DPP6: variants seen among roughly 807,000 people sequenced by gnomAD.
DPP6 encodes A-type potassium channel modulatory protein DPP6.
A neutral mutation model predicts 122.6 loss-of-function variants in DPP6; 69 were observed. The ratio of observed to expected loss-of-function variants is 0.56; its 90% CI spans 0.46 to 0.69. The LOEUF (loss-of-function observed/expected upper bound fraction) is 0.69, where lower values mean the gene tolerates loss of function less well. Among genes scored for constraint, DPP6 ranks in the 30% least tolerant of loss-of-function variants. DPP6 has a pLI of 0.00. For synonymous variants in DPP6, 418 were observed against 433.1 expected, an observed-to-expected ratio of 0.97 and a Z score of 0.43; for missense variants, 928 against 1,116.9, an observed-to-expected ratio of 0.83 and a Z score of 2.41.
intron 1 of DPP6, among the ~76,000 whole-genome samples, chr7:154,272,084 C>A (rs1803833317): frequency 6.6e-6 from 1 of 152,168 alleles, no homozygotes; most frequent in African/African-American, 2.4e-5. Flanking sequence ...CCTGGATAGA[C>A]AATTAGCTTC....
chr7:154,221,194 G>A (rs1800285472), intron 1 of DPP6, among the ~76,000 whole-genome samples: 1 of 152,108 alleles, frequency 6.6e-6, no homozygotes, highest in Admixed American at 6.6e-5. Context: ...AGGCTGGAGT[G>A]CAGTGGTACG....
chr7:154,330,925 C>A (rs1299417279), intron 1 of DPP6, among the ~76,000 whole-genome samples: 1 of 152,214 alleles, frequency 6.6e-6, no homozygotes, highest in Non-Finnish European at 1.5e-5. Flanking sequence ...TTACAAGCTT[C>A]TGTTGCATTC....
intron 1 of DPP6, among the ~76,000 whole-genome samples, chr7:154,419,225 G>A (rs892784473): frequency 2.0e-5 from 3 of 152,178 alleles, no homozygotes; most frequent in African/African-American, 7.2e-5. Flanking sequence ...GTTTCAACAC[G>A]CTGGAAGGTT....
At chr7:154,012,318 C>G (rs1354639737) in intron 1 of DPP6, among the ~76,000 whole-genome samples, 2 of 152,124 alleles carry the variant, frequency 1.3e-5, no homozygotes, top group African/African-American at 2.4e-5. Context: ...AGCCCTACAT[C>G]TAATATATAA....
At chr7:153,816,875 T>C in the DPP6 span, among the ~76,000 whole-genome samples, 1 of 151,938 alleles carries the variant, frequency 6.6e-6, no homozygotes, top group African/African-American at 2.4e-5. Context: ...CAAGCCTCTC[T>C]CCCCGTCTCC....
At chr7:154,542,119 A>T (rs1212456663) in intron 4 of DPP6, among the ~76,000 whole-genome samples, 1 of 152,206 alleles carries the variant, frequency 6.6e-6, no homozygotes, top group African/African-American at 2.4e-5. Flanking sequence ...CCCCTAACAT[A>T]GACTGCAGGC....
chr7:154,888,627 G>T (rs1206320881), intron 23 of DPP6, among the ~76,000 whole-genome samples: 1 of 152,218 alleles, frequency 6.6e-6, no homozygotes, highest in Non-Finnish European at 1.5e-5. Flanking sequence ...GCCCTCTAAG[G>T]CTACCTGGAG....
chr7:154,137,658 TGGG>T, intron 1 of DPP6, among the ~76,000 whole-genome samples: 1 of 48,384 alleles, frequency 2.1e-5, no homozygotes, highest in Non-Finnish European at 4.2e-5. Context: ...GGTGGGGGGG[TGGG>T]GGGGGTGGGG....
At chr7:154,677,309 G>A (rs549945128) in intron 7 of DPP6, among the ~76,000 whole-genome samples, 6 of 152,206 alleles carry the variant, frequency 3.9e-5, no homozygotes, top group Non-Finnish European at 5.9e-5. Context: ...GTGATCCAGC[G>A]GGCACTGCTT....
At chr7:154,439,848 G>C (rs1443170659) in intron 1 of DPP6, among the ~76,000 whole-genome samples, 5 of 152,190 alleles carry the variant, frequency 3.3e-5, no homozygotes, top group African/African-American at 1.2e-4. Context: ...TGTAAAATAG[G>C]CAACTTCAGA....
rs552839082 is a variant in DPP6, at chr7:154,486,886, C to G, written c.457+11849C>G. Among the ~76,000 whole-genome samples the G allele has an allele frequency of 7.0e-4, 107 of 152,144 alleles. No individual in the cohort carries two copies. Among genetic ancestry groups the G allele is most frequent in the Non-Finnish European group, 1.3e-3 (89 of 68,030 alleles). ...TTCCTAACTGATGGATGATGCTGGG[C>G]CCCGCTGTTGATGCTGCTTAATTCA... On this transcript the variant is annotated intron_variant, in intron 3 of 25. Coordinates refer to ENST00000377770, the MANE Select transcript of DPP6 (RefSeq NM_130797.4). This position sits in a 1 kb window ranked among gnomAD's most constrained non-coding sequence, Gnocchi z 4.5.
chr7:154,859,909 C>T (rs539989400), intron 17 of DPP6, among the ~76,000 whole-genome samples: 2 of 152,306 alleles, frequency 1.3e-5, no homozygotes, highest in African/African-American at 2.4e-5. Flanking sequence ...GCAGAGAAAG[C>T]GTGCGTGTGG....
At chr7:153,853,342 C>A in the DPP6 span, among the ~76,000 whole-genome samples, 1 of 152,200 alleles carries the variant, frequency 6.6e-6, no homozygotes, top group East Asian at 1.9e-4. Flanking sequence ...AAGAATTCTC[C>A]CTTGGATTTT....
At chr7:154,140,187 C>T (rs1417246667) in intron 1 of DPP6, among the ~76,000 whole-genome samples, 1 of 152,182 alleles carries the variant, frequency 6.6e-6, no homozygotes, top group African/African-American at 2.4e-5. Flanking sequence ...TACATGTATG[C>T]CTAACCTACT....
chr7:154,598,526 A>T (rs932479802), intron 5 of DPP6, among the ~76,000 whole-genome samples: 9 of 152,202 alleles, frequency 5.9e-5, no homozygotes, highest in Admixed American at 3.3e-4. Context: ...CAAGAACAAA[A>T]CACTGGTGCA....
intron 1 of DPP6, among the ~76,000 whole-genome samples, chr7:154,007,355 T>C (rs1429915284): frequency 6.6e-6 from 1 of 152,210 alleles, no homozygotes; most frequent in Non-Finnish European, 1.5e-5. Context: ...AAGTTTGTTG[T>C]TCTTGAAAAA....
rs76507256 is a variant in DPP6 at position 154,389,846 on chromosome 7, T to G, written c.244-56368T>G. On this transcript the variant is annotated intron_variant, in intron 1 of 25. Transcript: ENST00000377770. Reference sequence around the variant, plus strand: ...AGGATTAAATACCTAAGCTTTGAAGTTGGATGGGTGATTATTACAAAAGCC... The same window carrying G: ...AGGATTAAATACCTAAGCTTTGAAGGTGGATGGGTGATTATTACAAAAGCC... Among the ~76,000 whole-genome samples, 289 of 152,340 alleles carry G rather than the reference T, an allele frequency of 1.9e-3. 1 individual carries two copies. The highest frequency in any genetic ancestry group is 6.5e-3 in the African/African-American group (269 of 41,586).
intron 10 of DPP6, among the ~76,000 whole-genome samples, chr7:154,775,367 A>G (rs769061798): frequency 3.3e-5 from 5 of 151,900 alleles, no homozygotes; most frequent in Non-Finnish European, 7.4e-5. Context: ...GGCTATACAT[A>G]CCCCTTGTAT....
Position 154,052,573 on chromosome 7 carries a change from C to G in DPP6, c.-248C>G, listed in dbSNP as rs1429672766. ...GGAAAGAGAGAAAGCACAGCCAGAG[C>G]CCCGGCTTCGCGAGCCGCCGGGGAG... On this transcript the variant is annotated 5_prime_UTR_variant, in exon 1 of 26. Coordinates refer to ENST00000377770, the MANE Select transcript of DPP6 (RefSeq NM_130797.4). This position sits in a 1 kb window ranked among gnomAD's most constrained non-coding sequence, Gnocchi z 4.8. 2.6e-6 allele frequency: 3 copies of G among 1,173,844 alleles called. No individual in the cohort carries two copies. Among genetic ancestry groups the G allele is most frequent in the African/African-American group, 3.3e-5 (2 of 61,160 alleles). 72.7% of individuals were successfully genotyped at this position (1,173,844 alleles called of 1,614,324 possible). A position where few individuals can be genotyped will look rare whatever the true frequency, so the allele number is the denominator to read the frequency against.
Sources: gnomAD v4.1 joint callset for allele counts (sites outside exome capture counted in the v4.1 genomes callset) on GRCh38, gnomAD v4.1.1 for gene constraint, Gnocchi (gnomAD v3.1) non-coding constraint, MANE v1.5 for transcripts, NCBI Gene and HGNC (gene_info 2026-07-23, HGNC 2026-07-21) for gene names.